NOL4L: variants seen among roughly 807,000 people sequenced by gnomAD.
The protein encoded by NOL4L is nucleolar protein 4-like.
Under a neutral mutation model 64.5 loss-of-function variants are expected in NOL4L, and 7 were observed. The ratio of observed to expected loss-of-function variants is 0.11; its 90% CI spans 0.06 to 0.20. The LOEUF (loss-of-function observed/expected upper bound fraction) is 0.20. NOL4L is among the 10% of genes least tolerant of loss of function. The pLI is 1.00. For synonymous variants in NOL4L, 413 were observed against 401.0 expected, an observed-to-expected ratio of 1.03 and a Z score of -0.36; for missense variants, 680 against 967.1, an observed-to-expected ratio of 0.70 and a Z score of 3.94.
intron 1 of NOL4L, among the ~76,000 whole-genome samples, chr20:32,575,580 C>G (rs1368933631): frequency 6.6e-6 from 1 of 152,038 alleles, no homozygotes. Context: ...CAGAACCCGG[C>G]TCTGAGACAT....
Position 32,545,063 on chromosome 20 carries a change from T to C in NOL4L, c.322-17150A>G, listed in dbSNP as rs146549904. Reference sequence around the variant, plus strand: ...TCAGGCCAAGTGGGGTCTATGGATGTATCTGGGGGAACCTACAGAGGTTTA... The same window carrying C: ...TCAGGCCAAGTGGGGTCTATGGATGCATCTGGGGGAACCTACAGAGGTTTA... On this transcript the variant is annotated intron_variant, in intron 1 of 10. Coordinates refer to ENST00000621426, the MANE Select transcript of NOL4L (RefSeq NM_001256798.2). Among the ~76,000 whole-genome samples the C allele has an allele frequency of 6.2e-3, 941 of 152,228 alleles. 15 individuals carry two copies. Among genetic ancestry groups the C allele is most frequent in the African/African-American group, 0.021 (880 of 41,540 alleles).
At chr20:32,576,184 G>A (rs1360540333) in intron 1 of NOL4L, among the ~76,000 whole-genome samples, 1 of 152,158 alleles carries the variant, frequency 6.6e-6, no homozygotes, top group Non-Finnish European at 1.5e-5. Flanking sequence ...CCTGACTTGG[G>A]GTTTCCAAGG....
In NOL4L at chr20:32,456,368, C is replaced by T; in HGVS notation, c.869G>A (p.Gly290Asp). 1 of 1,468,796 alleles carries T rather than the reference C, an allele frequency of 6.8e-7. No homozygotes were observed. The highest frequency in any genetic ancestry group is 9.0e-7 in the Non-Finnish European group (1 of 1,105,878). The allele number at this position is 1,468,796 out of a possible 1,614,324, so 91.0% of individuals were successfully genotyped here. Residue 290 changes from glycine (G) to aspartate (D), a missense_variant, in exon 6 of 11, where the codon GGC becomes GAC. Around this residue, in one of 4 missense-constraint regions of NOL4L, gnomAD observed 254 missense variants for 238.7 expected, o/e 1.06. Coordinates refer to ENST00000621426, the MANE Select transcript of NOL4L (RefSeq NM_001256798.2). The part of the protein sequence containing the change: ...DDDSSSESGS[G>D]NGSSTLNPST... Reference sequence around the variant, plus strand: ...TGGGTTCAGGGTGGAGGAGCCATTGCCGCTGCCACTCTCAGAGGAGGAGTC... The same window carrying T: ...TGGGTTCAGGGTGGAGGAGCCATTGTCGCTGCCACTCTCAGAGGAGGAGTC...
At chr20:32,580,316 G>A (rs891917813) in intron 1 of NOL4L, among the ~76,000 whole-genome samples, 5 of 152,270 alleles carry the variant, frequency 3.3e-5, no homozygotes, top group East Asian at 3.9e-4. Flanking sequence ...CGAAACAGCC[G>A]CTATACTGAT....
At chr20:32,550,726 A>G (rs1415863331) in intron 1 of NOL4L, among the ~76,000 whole-genome samples, 2 of 152,148 alleles carry the variant, frequency 1.3e-5, no homozygotes, top group African/African-American at 4.8e-5. Flanking sequence ...CTAAAAATAC[A>G]AAAATTAGCC....
intron 5 of NOL4L, among the ~76,000 whole-genome samples, chr20:32,459,826 G>A (rs1442632533): frequency 8.5e-5 from 13 of 152,252 alleles, no homozygotes; most frequent in Admixed American, 5.9e-4. Context: ...GAGCCACTGC[G>A]CCCAACCCAT....
chr20:32,522,209 G>T (rs1347193103), intron 2 of NOL4L, among the ~76,000 whole-genome samples: 1 of 152,242 alleles, frequency 6.6e-6, no homozygotes, highest in Non-Finnish European at 1.5e-5. Context: ...CAGAGTCCAG[G>T]GGCCACTCTT....
At chr20:32,467,637 G>A (rs1320984693) in intron 5 of NOL4L, among the ~76,000 whole-genome samples, 1 of 152,186 alleles carries the variant, frequency 6.6e-6, no homozygotes, top group African/African-American at 2.4e-5. Flanking sequence ...AGGTGAGGAA[G>A]ACCGCCCACA....
At chr20:32,448,816 G>A (rs1325877922) in intron 10 of NOL4L, among the ~76,000 whole-genome samples, 5 of 152,236 alleles carry the variant, frequency 3.3e-5, no homozygotes, top group African/African-American at 7.2e-5. Context: ...AGAAGCTCCT[G>A]GCTTTGGAGT....
At chr20:32,454,704 T>C (rs934194962) in intron 6 of NOL4L, among the ~76,000 whole-genome samples, 13 of 152,214 alleles carry the variant, frequency 8.5e-5, no homozygotes, top group African/African-American at 3.1e-4. Flanking sequence ...CTCGTTCAGA[T>C]CGTGACTGAC....
chr20:32,469,309 G>C (rs2014823287), intron 5 of NOL4L, among the ~76,000 whole-genome samples: 1 of 152,072 alleles, frequency 6.6e-6, no homozygotes, highest in Non-Finnish European at 1.5e-5. Flanking sequence ...GAGAAAAATA[G>C]GGCCCCAGAC....
At chr20:32,516,348 C>A (rs903355402) in intron 3 of NOL4L, among the ~76,000 whole-genome samples, 2 of 151,858 alleles carry the variant, frequency 1.3e-5, no homozygotes, top group Non-Finnish European at 2.9e-5. Context: ...TCGAGGAGTG[C>A]TGATGTGCAT....
chr20:32,453,972 G>C lies in NOL4L; in HGVS notation c.1120-211C>G. The C allele has an allele frequency of 1.7e-6, 1 of 587,260 alleles. No individual in the cohort carries two copies. Among genetic ancestry groups the C allele is most frequent in the Non-Finnish European group, 3.0e-6 (1 of 329,078 alleles). The allele number at this position is 587,260 out of a possible 1,614,324, so 36.4% of individuals were successfully genotyped here. ...AGCAATGCTACCACCTCCCTCCCTG[G>C]GCTGCCGCAGGGAGGACCGACTGCA... On this transcript the variant is annotated intron_variant, in intron 6 of 10. Coordinates refer to ENST00000621426, the MANE Select transcript of NOL4L (RefSeq NM_001256798.2). The surrounding 1 kb of genome is among the most constrained non-coding windows in gnomAD (Gnocchi z 5.6).
At chr20:32,515,529 C>A (rs1022315164) in intron 3 of NOL4L, among the ~76,000 whole-genome samples, 3 of 152,040 alleles carry the variant, frequency 2.0e-5, no homozygotes, top group African/African-American at 7.2e-5. Context: ...AGTGGGTGCA[C>A]ACTGAGAGGA....
In NOL4L at chr20:32,538,759, A is replaced by G. The variant is rs569086250; in HGVS notation, c.322-10846T>C. Among the ~76,000 whole-genome samples the G allele has an allele frequency of 2.2e-4, 34 of 152,142 alleles. No individual in the cohort carries two copies. The East Asian group carries it at 6.0e-3, about 27-fold the overall frequency. Reference sequence around the variant, plus strand: ...ATTTGGCTCCAGGAGGGAATGGGGGAGGCAGCGGCAGGCGGGTGCCGTCAG... The same window carrying G: ...ATTTGGCTCCAGGAGGGAATGGGGGGGGCAGCGGCAGGCGGGTGCCGTCAG... On this transcript the variant is annotated intron_variant, in intron 1 of 10. Transcript: ENST00000621426.
rs2017665643 is a variant in NOL4L at position 32,516,450 on chromosome 20, G to GT, written c.589+4360dup. 2.6e-5 allele frequency among the ~76,000 whole-genome samples: 4 copies of GT among 152,258 alleles called. No individual in the cohort carries two copies. In the South Asian group the frequency reaches 8.3e-4, roughly 32 times the overall value. On this transcript the variant is annotated intron_variant, in intron 3 of 10. Coordinates refer to ENST00000621426, the MANE Select transcript of NOL4L (RefSeq NM_001256798.2). ...GAAGGATGAGCAGGGTGCGACAGAC[G>GT]TGAGGCCATTAGGGTCACTGGAGGA... is the stretch of plus-strand genomic sequence containing the variant.
At chr20:32,454,185 C>T (rs78320493) in intron 6 of NOL4L, 390 of 186,546 alleles carry the variant, frequency 2.1e-3, no homozygotes, top group African/African-American at 8.6e-3. Context: ...GTTTTCCTCC[C>T]TGATCCCCAA....
chr20:32,469,361 ATTTTTTTTTC>A lies in NOL4L; in HGVS notation c.841+5230_841+5239del, dbSNP rs539243067. 2.2e-3 allele frequency among the ~76,000 whole-genome samples: 327 copies of A among 150,242 alleles called. 3 individuals are homozygous for A. The highest frequency in any genetic ancestry group is 6.9e-3 in the African/African-American group (282 of 40,884). ...TTCTTTTTTCCTCCTTTATTTTTCT[ATTTTTTTTTC>A]TTTTTTTTCTTTTTTTTAGATGGAG... On this transcript the variant is annotated intron_variant, in intron 5 of 10. Coordinates refer to ENST00000621426, the MANE Select transcript of NOL4L (RefSeq NM_001256798.2).
At chr20:32,448,527 G>C (rs1483443167) in intron 10 of NOL4L, among the ~76,000 whole-genome samples, 2 of 152,176 alleles carry the variant, frequency 1.3e-5, no homozygotes, top group Non-Finnish European at 2.9e-5. Context: ...GAAGGGGCTG[G>C]GTGTGTGAAG....
Sources: gnomAD v4.1 joint callset for allele counts (sites outside exome capture counted in the v4.1 genomes callset) on GRCh38, gnomAD v4.1.1 for gene constraint, gnomAD v4.1.1 regional missense constraint, Gnocchi (gnomAD v3.1) non-coding constraint, MANE v1.5 for transcripts, NCBI Gene and HGNC (gene_info 2026-07-23, HGNC 2026-07-21) for gene names.